The following MTFR1L variants were observed in gnomAD, a reference collection of about 807,000 sequenced individuals.
MTFR1L encodes the protein mitochondrial fission regulator 1-like.
Under a neutral mutation model 27.9 loss-of-function variants are expected in MTFR1L, and 10 were observed. The ratio of observed to expected loss-of-function variants is 0.36; its 90% CI spans 0.22 to 0.61. The LOEUF is 0.61. Among genes scored for constraint, MTFR1L ranks in the 20% least tolerant of loss-of-function variants. The probability of loss-of-function intolerance (pLI) is 0.73; values close to 1 mark genes in which losing one functional copy is unlikely to be tolerated. For synonymous variants in MTFR1L, 151 were observed against 139.4 expected, an observed-to-expected ratio of 1.08 and a Z score of -0.58; for missense variants, 315 against 363.7, an observed-to-expected ratio of 0.87 and a Z score of 1.09.
intron 1 of MTFR1L, chr1:25,820,518 A>G: frequency 5.6e-6 from 2 of 355,836 alleles, no homozygotes; most frequent in Non-Finnish European, 1.1e-5. Flanking sequence ...GCAAAGTTTC[A>G]CTGAGCGCGG....
At chr1:25,822,761 C>T (rs1264033670) in intron 1 of MTFR1L, 14 of 553,938 alleles carry the variant, frequency 2.5e-5, no homozygotes, top group East Asian at 1.5e-4. Flanking sequence ...CTCCTGACCT[C>T]GTGATCCGCC....
At chr1:25,825,725 T>C (rs1377064634) in intron 3 of MTFR1L, 2 of 152,504 alleles carry the variant, frequency 1.3e-5, no homozygotes, top group African/African-American at 2.4e-5. Flanking sequence ...TGTACTTGTA[T>C]TTTCACCAGA....
intron 1 of MTFR1L, 90 bp downstream of exon 1, chr1:25,820,119 GCC>G: frequency 2.2e-6 from 1 of 445,082 alleles, no homozygotes; most frequent in Non-Finnish European, 4.5e-6. Flanking sequence ...GCTGTGCGGA[GCC>G]CGCAGCTCCT....
At chr1:25,824,465 A>G (rs1484430038) in intron 3 of MTFR1L, among the ~76,000 whole-genome samples, 1 of 152,244 alleles carries the variant, frequency 6.6e-6, no homozygotes, top group Non-Finnish European at 1.5e-5. Flanking sequence ...GCTGGGATAC[A>G]AAAGAAATAC....
At position 25,832,274 on chromosome 1, in the gene MTFR1L, T is replaced by C; in HGVS notation, c.*248T>C. 8.6e-7 allele frequency: 1 copy of C among 1,157,562 alleles called. No homozygotes were observed. The highest frequency in any genetic ancestry group is 1.2e-6 in the Non-Finnish European group (1 of 817,038). 71.7% of individuals were successfully genotyped at this position (1,157,562 alleles called of 1,614,324 possible). ...GGTAATCGTGTAGAATGAAGTATCTTAGTTTAAAGGGTAAGAGAGAAGTTG... is the reference window on the plus strand; with the variant it reads ...GGTAATCGTGTAGAATGAAGTATCTCAGTTTAAAGGGTAAGAGAGAAGTTG... On this transcript the variant is annotated 3_prime_UTR_variant, in exon 7 of 7. Coordinates refer to ENST00000374303, the MANE Select transcript of MTFR1L (RefSeq NM_001099625.2).
At position 25,826,160 on chromosome 1, in the gene MTFR1L, C is replaced by T. The variant is rs1277219395; in HGVS notation, c.130-142C>T. The T allele has an allele frequency of 4.7e-6, 3 of 643,930 alleles. No individual in the cohort carries two copies. The highest frequency in any genetic ancestry group is 3.7e-5 in the African/African-American group (2 of 54,734). The allele number at this position is 643,930 out of a possible 1,614,324, so 39.9% of individuals were successfully genotyped here. ...TCATCTGGCCTCTGTTCAATGTTTT[C>T]GACCAGGAACCTTCTTCTGCCCCCT... is the stretch of plus-strand genomic sequence containing the variant. On this transcript the variant is annotated intron_variant, in intron 3 of 6. Transcript: ENST00000374303. This position sits in a 1 kb window ranked among gnomAD's most constrained non-coding sequence, Gnocchi z 4.1.
chr1:25,827,749 A>G (rs551301719), intron 5 of MTFR1L, among the ~76,000 whole-genome samples: 1 of 148,318 alleles, frequency 6.7e-6, no homozygotes, highest in African/African-American at 2.5e-5. Context: ...GGTTGAAACA[A>G]GAGTCTCATT....
At chr1:25,820,762 G>A (rs1415977305) in intron 1 of MTFR1L, 1 of 441,104 alleles carries the variant, frequency 2.3e-6, no homozygotes, top group African/African-American at 2.1e-5. Context: ...CCCTTCATTC[G>A]TTTAGTTCAG....
chr1:25,832,550 C>T lies in MTFR1L; in HGVS notation c.*524C>T, dbSNP rs1489047623. ...GCCCAGCAATCACCCTCCTCACTTCCTTGTCTAGATGTAGAGGTCAGGCTG... is the reference window on the plus strand; with the variant it reads ...GCCCAGCAATCACCCTCCTCACTTCTTTGTCTAGATGTAGAGGTCAGGCTG... On this transcript the variant is annotated 3_prime_UTR_variant, in exon 7 of 7. Transcript: ENST00000374303. 4.8e-6 allele frequency: 1 copy of T among 209,828 alleles called. No homozygotes were observed. Among genetic ancestry groups the T allele is most frequent in the Non-Finnish European group, 9.9e-6 (1 of 100,550 alleles). The allele number at this position is 209,828 out of a possible 1,614,324, so 13.0% of individuals were successfully genotyped here.
intron 5 of MTFR1L, among the ~76,000 whole-genome samples, chr1:25,829,147 T>C (rs1557444732): frequency 6.6e-6 from 1 of 152,206 alleles, no homozygotes; most frequent in African/African-American, 2.4e-5. Flanking sequence ...CTAGTCTAGT[T>C]AGAGAAAAGG....
intron 5 of MTFR1L, among the ~76,000 whole-genome samples, chr1:25,828,286 G>A (rs527763198): frequency 6.6e-6 from 1 of 152,248 alleles, no homozygotes; most frequent in African/African-American, 2.4e-5. Flanking sequence ...GGAGATCTTG[G>A]CCTTAAAATA....
intron 5 of MTFR1L, 121 bp from the exon 6 acceptor site, chr1:25,829,388 C>T: frequency 1.1e-6 from 1 of 898,370 alleles, no homozygotes; most frequent in Non-Finnish European, 1.7e-6. Context: ...TCCTGGCTCT[C>T]CCAGATTGTC....
chr1:25,832,127 G>C lies in MTFR1L; in HGVS notation c.*101G>C, dbSNP rs755668704. ...TCTGCCTCTTAAGGATAGATCTTCT[G>C]CAACAGTCTTGCTGACAAGCTAGAG... On this transcript the variant is annotated 3_prime_UTR_variant, in exon 7 of 7. Transcript: ENST00000374303. 18 of 1,595,528 alleles carry C rather than the reference G, an allele frequency of 1.1e-5. No homozygotes were observed. Among genetic ancestry groups the C allele is most frequent in the Admixed American group, 8.8e-5 (5 of 56,898 alleles).
chr1:25,820,809 G>A (rs935648903), intron 1 of MTFR1L: 4 of 409,060 alleles, frequency 9.8e-6, no homozygotes, highest in African/African-American at 6.5e-5. Context: ...GGCAGACACC[G>A]TGCTGTGCGC....
At chr1:25,820,754 C>G (rs1362832485) in intron 1 of MTFR1L, 1 of 441,074 alleles carries the variant, frequency 2.3e-6, no homozygotes, top group South Asian at 1.6e-5. Context: ...TGGTGTTCCC[C>G]TTCATTCGTT....
At chr1:25,829,459 A>T in intron 5 of MTFR1L, 50 bp from the exon 6 acceptor site, 1 of 1,505,262 alleles carries the variant, frequency 6.6e-7, no homozygotes, top group Non-Finnish European at 9.1e-7. Context: ...AGATATTGCT[A>T]CTGTGTTCTA....
Position 25,832,465 on chromosome 1 carries a change from G to A in MTFR1L, c.*439G>A. On this transcript the variant is annotated 3_prime_UTR_variant, in exon 7 of 7. Transcript: ENST00000374303. Reference sequence around the variant, plus strand: ...TGAGGGGAAGGGGCTATGAATGTTTGTATACATGTTCACAGGGCACGGAAA... The same window carrying A: ...TGAGGGGAAGGGGCTATGAATGTTTATATACATGTTCACAGGGCACGGAAA... 1 of 391,292 alleles carries A rather than the reference G, an allele frequency of 2.6e-6. No individual in the cohort carries two copies. Among genetic ancestry groups the A allele is most frequent in the Non-Finnish European group, 4.8e-6 (1 of 207,622 alleles). 24.2% of individuals were successfully genotyped at this position (391,292 alleles called of 1,614,324 possible).
chr1:25,823,096 C>T lies in MTFR1L; in HGVS notation c.-9C>T. The T allele has an allele frequency of 1.2e-6, 2 of 1,614,162 alleles. No homozygotes were observed. On this transcript the variant is annotated 5_prime_UTR_variant, in exon 2 of 7. Coordinates refer to ENST00000374303, the MANE Select transcript of MTFR1L (RefSeq NM_001099625.2). ...CTGCCTTGTCCTTCAAGTGCAGGAG[C>T]TGGTTCAAATGTCAGGAATGGAAGC...
chr1:25,824,756 C>T (rs573314062), intron 3 of MTFR1L, among the ~76,000 whole-genome samples: 1 of 151,980 alleles, frequency 6.6e-6, no homozygotes, highest in South Asian at 2.1e-4. Flanking sequence ...CTGGTCCTAA[C>T]TTGCCTCAGA....
Sources: allele counts gnomAD v4.1 joint callset (sites outside exome capture counted in the v4.1 genomes callset), GRCh38; gene constraint gnomAD v4.1.1; non-coding constraint Gnocchi (gnomAD v3.1); transcripts MANE v1.5; gene names NCBI Gene and HGNC (gene_info 2026-07-23, HGNC 2026-07-21).